Variants in HYDIN observed in about 807,000 individuals in gnomAD.
The protein encoded by HYDIN is HYDIN axonemal central pair apparatus protein, also known as axonemal central pair apparatus protein HYDIN.
A neutral mutation model predicts 403.9 loss-of-function variants in HYDIN; 132 were observed. The observed-to-expected ratio is 0.33, with a 90% CI of 0.28 to 0.38. The LOEUF is 0.38. HYDIN is among the 10% of genes least tolerant of loss of function. The pLI, the probability that HYDIN is intolerant of heterozygous loss-of-function variation, is 1.00. For missense variants in HYDIN, 2,827 were observed against 5,009.5 expected (o/e 0.56, Z 13.15); for synonymous variants, 1,202 against 1,891.7 (o/e 0.64, Z 9.46).
chr16:71,203,474 T>G (rs1473230789), intron 1 of HYDIN, among the ~76,000 whole-genome samples: 8 of 152,202 alleles, frequency 5.3e-5, no homozygotes, highest in Admixed American at 3.9e-4. Flanking sequence ...AATTGCTATT[T>G]CCAAGCAAGT....
chr16:71,048,377 T>C lies in HYDIN; in HGVS notation c.2529+12127A>G, dbSNP rs545893282. Among the ~76,000 whole-genome samples the C allele has an allele frequency of 4.0e-3, 526 of 131,398 alleles. 3 individuals are homozygous for C. The highest frequency in any genetic ancestry group is 0.014 in the African/African-American group (500 of 36,298). 86.2% of individuals were successfully genotyped at this position (131,398 alleles called of 152,430 possible). On this transcript the variant is annotated intron_variant, in intron 18 of 85. Coordinates refer to ENST00000393567, the MANE Select transcript of HYDIN (RefSeq NM_001270974.2). The stretch of plus-strand genomic sequence containing the variant: ...ACCCAGTAGTGGGATTGCTGGATCA[T>C]AGGATAGTTCTATTTTTAGTTTTTT...
intron 5 of HYDIN, among the ~76,000 whole-genome samples, chr16:71,166,882 C>T (rs1219026576): frequency 6.6e-6 from 1 of 151,254 alleles, no homozygotes; most frequent in East Asian, 2.0e-4. Context: ...CAAGACCAGC[C>T]TGGCCAACAT....
chr16:70,895,030 T>C (rs1273300891), intron 54 of HYDIN, among the ~76,000 whole-genome samples: 5 of 152,152 alleles, frequency 3.3e-5, no homozygotes, highest in Non-Finnish European at 7.3e-5. Context: ...TTGATGGGCA[T>C]TTAGGTTTTT....
chr16:71,186,976 A>AC, intron 1 of HYDIN, 58 bp from the exon 2 acceptor site: 1 of 1,225,552 alleles, frequency 8.2e-7, no homozygotes, highest in Non-Finnish European at 1.2e-6. Context: ...AATACAGGTC[A>AC]TAATTTTTTT....
chr16:71,056,501 CT>C, intron 18 of HYDIN, among the ~76,000 whole-genome samples: 1 of 152,154 alleles, frequency 6.6e-6, no homozygotes, highest in Admixed American at 6.5e-5. Flanking sequence ...TAGGCTTCGG[CT>C]TCCCATCTCC....
intron 5 of HYDIN, among the ~76,000 whole-genome samples, chr16:71,171,999 A>C (rs2144630163): frequency 6.6e-6 from 1 of 152,302 alleles, no homozygotes; most frequent in Admixed American, 6.5e-5. Context: ...CAAAATCCTG[A>C]TCATTATTTT....
intron 58 of HYDIN, among the ~76,000 whole-genome samples, chr16:70,884,546 CA>C (rs2041011459): frequency 6.6e-6 from 1 of 151,954 alleles, no homozygotes; most frequent in Non-Finnish European, 1.5e-5. Flanking sequence ...TGACCTTAAA[CA>C]AATGACTTCT....
At chr16:71,026,327 T>A (rs1390824459) in intron 20 of HYDIN, among the ~76,000 whole-genome samples, 3 of 152,102 alleles carry the variant, frequency 2.0e-5, no homozygotes, top group Non-Finnish European at 4.4e-5. Context: ...CATGAATAGG[T>A]TATATAGAAG....
chr16:70,852,601 C>A (rs1777651751), intron 73 of HYDIN: 1 of 143,640 alleles, frequency 7.0e-6, no homozygotes, highest in Non-Finnish European at 1.5e-5. Flanking sequence ...TCTCAAAAAT[C>A]AACAATAAAA....
intron 21 of HYDIN, among the ~76,000 whole-genome samples, chr16:71,022,992 A>G (rs889242933): frequency 5.9e-5 from 9 of 151,772 alleles, no homozygotes; most frequent in African/African-American, 2.2e-4. Context: ...ATAAGAAACT[A>G]GGCTGCATAT....
At chr16:71,197,530 T>TA (rs895554733) in intron 1 of HYDIN, among the ~76,000 whole-genome samples, 2 of 152,174 alleles carry the variant, frequency 1.3e-5, no homozygotes, top group African/African-American at 4.8e-5. Context: ...TATCACCTTT[T>TA]AAAAGATTTT....
intron 66 of HYDIN, among the ~76,000 whole-genome samples, chr16:70,867,283 C>T (rs553263961): frequency 5.4e-5 from 8 of 147,358 alleles, no homozygotes; most frequent in South Asian, 2.1e-4. Flanking sequence ...GTAATGAGAC[C>T]ATTTCCCATT....
At chr16:71,086,667 C>T (rs1316314936) in intron 12 of HYDIN, among the ~76,000 whole-genome samples, 2 of 152,176 alleles carry the variant, frequency 1.3e-5, no homozygotes, top group Non-Finnish European at 2.9e-5. Context: ...GCTTATGATA[C>T]TGGATGTTGT....
At chr16:71,191,229 T>C (rs1567432125) in intron 1 of HYDIN, among the ~76,000 whole-genome samples, 1 of 152,208 alleles carries the variant, frequency 6.6e-6, no homozygotes, top group South Asian at 2.1e-4. Context: ...TGTTATTTGC[T>C]AAGTATGTCA....
Position 70,877,793 on chromosome 16 carries a change from T to TAAAAC in HYDIN, c.10557+1503_10557+1504insGTTTT, listed in dbSNP as rs767419650. ...GTTGGGGACCCCTCTCTTAAAACAT[T>TAAAAC]TTAGGCTTATAGCTGACAACTCAGC... is the stretch of plus-strand genomic sequence containing the variant. On this transcript the variant is annotated intron_variant, in intron 62 of 85. Transcript: ENST00000393567. Among the ~76,000 whole-genome samples, 193 of 152,182 alleles carry TAAAAC rather than the reference T, an allele frequency of 1.3e-3. 1 individual carries two copies. The highest frequency in any genetic ancestry group is 2.5e-3 in the Admixed American group (39 of 15,296).
chr16:71,133,123 C>T, intron 8 of HYDIN: 1 of 414,130 alleles, frequency 2.4e-6, no homozygotes, highest in Non-Finnish European at 4.7e-6. Context: ...GTAATAGTCC[C>T]TCATCTTCAG....
chr16:71,186,719 A>G, intron 2 of HYDIN, 42 bp downstream of exon 2: 1 of 1,516,478 alleles, frequency 6.6e-7, no homozygotes, highest in Non-Finnish European at 9.1e-7. Flanking sequence ...TCCTAAGGAG[A>G]TTGCATTAAG....
At position 70,874,839 on chromosome 16, in the gene HYDIN, C is replaced by T; in HGVS notation, c.10638G>A (p.Glu3546=). ...RPTTAYIYIT[E]ENKPHVKAKK... ...TACCTTTTACATGTGGTTTATTTTC[C>T]TCTGTGATGTAGATATACGCGGTGG... Residue 3546 remains glutamate (E), a synonymous_variant, in exon 63 of 86, where the codon GAG becomes GAA. Coordinates refer to ENST00000393567, the MANE Select transcript of HYDIN (RefSeq NM_001270974.2). 2 of 1,613,720 alleles carry T rather than the reference C, an allele frequency of 1.2e-6. No individual in the cohort carries two copies.
Position 71,062,310 on chromosome 16 carries a change from C to G in HYDIN, c.2235G>C (p.Val745=), listed in dbSNP as rs1300267851. ...CGCTGGGGGTGGGGCTGGAAAACAGCACAGTAGGCACCTCCTCACACACCT... is the reference window on the plus strand; with the variant it reads ...CGCTGGGGGTGGGGCTGGAAAACAGGACAGTAGGCACCTCCTCACACACCT... ...QPQVCEEVPT[V]LFSSPTPSGV... Residue 745 remains valine (V), a synonymous_variant, in exon 17 of 86, where the codon GTG becomes GTC. Coordinates refer to ENST00000393567, the MANE Select transcript of HYDIN (RefSeq NM_001270974.2). The G allele has an allele frequency of 6.3e-7, 1 of 1,591,292 alleles. No individual in the cohort carries two copies. Among genetic ancestry groups the G allele is most frequent in the Admixed American group, 1.8e-5 (1 of 57,068 alleles).
Sources: allele counts gnomAD v4.1 joint callset (sites outside exome capture counted in the v4.1 genomes callset), GRCh38; gene constraint gnomAD v4.1.1; transcripts MANE v1.5; gene names NCBI Gene and HGNC (gene_info 2026-07-23, HGNC 2026-07-21).